CSMD1: variants seen among roughly 807,000 people sequenced by gnomAD.
CSMD1 encodes the protein CUB and Sushi multiple domains 1.
CSMD1 carries 213 observed loss-of-function variants against 417.5 expected under a neutral mutation model. That is an observed-to-expected ratio of 0.51 (90% CI 0.46 to 0.57). CSMD1 has a LOEUF of 0.57. Among genes scored for constraint, CSMD1 ranks in the 20% least tolerant of loss-of-function variants. CSMD1 has a pLI of 0.00. For missense variants in CSMD1, 6,923 were observed against 4,529.7 expected (o/e 1.53, Z -15.17); for synonymous variants, 2,862 against 1,736.8 (o/e 1.65, Z -16.11).
intron 50 of CSMD1, among the ~76,000 whole-genome samples, chr8:3,047,162 C>A (rs1292581125): frequency 6.9e-6 from 1 of 145,118 alleles, no homozygotes; most frequent in Non-Finnish European, 1.5e-5. Context: ...GGACCAAGAT[C>A]CAGATCACAC....
At chr8:3,165,106 C>T (rs1337938405) in intron 37 of CSMD1, among the ~76,000 whole-genome samples, 6 of 151,982 alleles carry the variant, frequency 3.9e-5, no homozygotes. Context: ...CAGTTCTATG[C>T]AGAGCACAAT....
chr8:3,428,294 G>C (rs1039087630), intron 12 of CSMD1, among the ~76,000 whole-genome samples: 5 of 152,202 alleles, frequency 3.3e-5, no homozygotes, highest in Non-Finnish European at 5.9e-5. Flanking sequence ...TCTGCAGCCA[G>C]AACTGCTTCC....
At chr8:4,007,984 C>T (rs940882596) in intron 4 of CSMD1, among the ~76,000 whole-genome samples, 1 of 152,098 alleles carries the variant, frequency 6.6e-6, no homozygotes, top group African/African-American at 2.4e-5. Flanking sequence ...CCAAAAAGAA[C>T]GATTCATAAT....
At chr8:4,009,363 G>C (rs1157660105) in intron 4 of CSMD1, among the ~76,000 whole-genome samples, 1 of 152,050 alleles carries the variant, frequency 6.6e-6, no homozygotes, top group Non-Finnish European at 1.5e-5. Flanking sequence ...TTAAAATACA[G>C]AATAGAACAT....
intron 8 of CSMD1, among the ~76,000 whole-genome samples, chr8:3,586,488 A>G (rs528376326): frequency 1.3e-5 from 2 of 152,156 alleles, no homozygotes; most frequent in East Asian, 3.9e-4. Flanking sequence ...CTTCAGAACT[A>G]AACAAACACA....
At chr8:4,373,649 G>C (rs549307497) in intron 3 of CSMD1, among the ~76,000 whole-genome samples, 51 of 152,108 alleles carry the variant, frequency 3.4e-4, no homozygotes, top group Non-Finnish European at 5.4e-4. Context: ...AAATATTATG[G>C]AAGTTATGAT....
intron 16 of CSMD1, among the ~76,000 whole-genome samples, chr8:3,397,497 A>C (rs1811773866): frequency 6.6e-6 from 1 of 152,164 alleles, no homozygotes. Flanking sequence ...TTCTTCCATA[A>C]AGAGGAATTT....
intron 1 of CSMD1, among the ~76,000 whole-genome samples, chr8:4,645,928 C>G (rs569864199): frequency 6.6e-6 from 1 of 152,120 alleles, no homozygotes; most frequent in Non-Finnish European, 1.5e-5. Flanking sequence ...CCATGTAACA[C>G]GACTTTAGAG....
chr8:4,281,474 C>A (rs886200247), intron 3 of CSMD1, among the ~76,000 whole-genome samples: 1 of 152,154 alleles, frequency 6.6e-6, no homozygotes, highest in African/African-American at 2.4e-5. Context: ...CACACTCCAA[C>A]CTTCTGTTTC....
At chr8:3,623,224 T>C in intron 7 of CSMD1, among the ~76,000 whole-genome samples, 1 of 152,238 alleles carries the variant, frequency 6.6e-6, no homozygotes, top group East Asian at 1.9e-4. Flanking sequence ...AGCATGTTGA[T>C]TTATAATACC....
chr8:4,813,669 G>C (rs1799038502), intron 1 of CSMD1, among the ~76,000 whole-genome samples: 2 of 152,180 alleles, frequency 1.3e-5, no homozygotes, highest in Admixed American at 6.5e-5. Flanking sequence ...TTGCAAGAGA[G>C]AATGACACAC....
rs567957809 is a variant in CSMD1, at chr8:4,371,125, G to A, written c.415+48828C>T. On this transcript the variant is annotated intron_variant, in intron 3 of 69. Coordinates refer to ENST00000635120, the MANE Select transcript of CSMD1 (RefSeq NM_033225.6). ...TTTTTATGGTCTTTATTGCCCTTGA[G>A]AGTTTCACAGTAGAACAAGTTGGGT... 2.0e-5 allele frequency among the ~76,000 whole-genome samples: 3 copies of A among 152,262 alleles called. No homozygotes were observed. In the East Asian group the frequency reaches 5.8e-4, roughly 29 times the overall value.
At chr8:3,485,524 A>AAT (rs1817976042) in intron 11 of CSMD1, among the ~76,000 whole-genome samples, 1 of 58,748 alleles carries the variant, frequency 1.7e-5, no homozygotes, top group African/African-American at 7.5e-5. Context: ...ACTTCATAAC[A>AAT]ATACACACAC....
At chr8:3,357,845 A>G (rs1808893706) in intron 21 of CSMD1, among the ~76,000 whole-genome samples, 1 of 152,204 alleles carries the variant, frequency 6.6e-6, no homozygotes, top group African/African-American at 2.4e-5. Context: ...AGTAAGAACC[A>G]TTATTTTAGG....
chr8:4,605,848 G>A (rs375722495), intron 2 of CSMD1, among the ~76,000 whole-genome samples: 70 of 152,226 alleles, frequency 4.6e-4, no homozygotes, highest in Non-Finnish European at 8.2e-4. Flanking sequence ...TGTTCTAATT[G>A]CCGTGTCAAA....
intron 1 of CSMD1, among the ~76,000 whole-genome samples, chr8:4,718,293 A>T (rs895700852): frequency 1.6e-4 from 24 of 152,180 alleles, no homozygotes; most frequent in Non-Finnish European, 4.4e-5. Flanking sequence ...ATCTATCAAA[A>T]TTTTAAAAAA....
intron 7 of CSMD1, among the ~76,000 whole-genome samples, chr8:3,691,464 G>C (rs376017574): frequency 6.6e-6 from 1 of 152,160 alleles, no homozygotes; most frequent in East Asian, 1.9e-4. Flanking sequence ...ATGCAACACA[G>C]TCTGTAATTT....
At chr8:3,289,380 T>G (rs1426608632) in intron 25 of CSMD1, among the ~76,000 whole-genome samples, 1 of 147,466 alleles carries the variant, frequency 6.8e-6, no homozygotes, top group Admixed American at 6.7e-5. Context: ...TTTCTAGTTC[T>G]AGATCCCTGA....
At chr8:3,734,071 T>G (rs906734556) in intron 6 of CSMD1, among the ~76,000 whole-genome samples, 1 of 152,108 alleles carries the variant, frequency 6.6e-6, no homozygotes, top group Admixed American at 6.5e-5. Flanking sequence ...ATACAAAGAA[T>G]TTTTAAGTGA....
Sources: allele counts gnomAD v4.1 joint callset (sites outside exome capture counted in the v4.1 genomes callset), GRCh38; gene constraint gnomAD v4.1.1; transcripts MANE v1.5; gene names NCBI Gene and HGNC (gene_info 2026-07-23, HGNC 2026-07-21).